ZNF320: variants seen among roughly 807,000 people sequenced by gnomAD.
The protein encoded by ZNF320 is zinc finger protein 320.
In ZNF320, 2 loss-of-function variants were observed where a neutral mutation model predicts 6.8. That is an observed-to-expected ratio of 0.29 (90% CI 0.12 to 0.93). ZNF320 has a LOEUF of 0.93. Ranked by LOEUF, ZNF320 falls within the 40% of genes least tolerant of loss-of-function variation. The pLI is 0.55. For synonymous variants in ZNF320, 208 were observed against 203.2 expected, an observed-to-expected ratio of 1.02 and a Z score of -0.20; for missense variants, 472 against 611.0, an observed-to-expected ratio of 0.77 and a Z score of 2.40.
At chr19:52,899,524 GC>G, upstream of ZNF320, among the ~76,000 whole-genome samples, 1 of 152,088 alleles carries the variant, frequency 6.6e-6, no homozygotes. Context: ...GTGCAGTGGT[GC>G]AGTCTCAGCT....
At chr19:52,868,409 G>T (rs971671396) in intron 5 of ZNF320, among the ~76,000 whole-genome samples, 12 of 151,890 alleles carry the variant, frequency 7.9e-5, no homozygotes, top group African/African-American at 2.9e-4. Context: ...GGGAGCCTCA[G>T]GCAGGAGAAT....
chr19:52,888,905 G>A (rs2064194363), intron 4 of ZNF320, among the ~76,000 whole-genome samples: 1 of 152,162 alleles, frequency 6.6e-6, no homozygotes, highest in Admixed American at 6.6e-5. Flanking sequence ...AGCAAGTTTT[G>A]CAGGGCGCAG....
chr19:52,897,242 G>T (rs1008820052), intron 1 of ZNF320, among the ~76,000 whole-genome samples: 1 of 152,228 alleles, frequency 6.6e-6, no homozygotes, highest in South Asian at 2.1e-4. Flanking sequence ...GCGTCTGCAG[G>T]ATCTTAGGAC....
chr19:52,892,854 T>C (rs914361725), intron 2 of ZNF320, among the ~76,000 whole-genome samples: 13 of 151,790 alleles, frequency 8.6e-5, no homozygotes, highest in African/African-American at 3.2e-4. Flanking sequence ...CTGCTCTGTC[T>C]GCCCTGGCTC....
chr19:52,881,753 G>A lies in ZNF320; in HGVS notation c.373C>T (p.Arg125Ter), dbSNP rs752708180. Residue 125 changes from arginine (R) to a stop codon, truncating the protein, a stop_gained, in exon 6 of 6, where the codon CGA becomes TGA. Transcript: ENST00000682928. LOFTEE classifies it low-confidence loss of function (END_TRUNC). ...TTTCCAGCATGCCTTTGATCATATC[G>A]GTCTGTACTACTAGTCAACTTTTTT... Reference protein sequence around the residue: ...EIKKLTSSTDRYDQRHAGNKP... With the variant: ...EIKKLTSSTD The A allele has an allele frequency of 1.9e-6, 3 of 1,613,894 alleles. No homozygotes were observed. Among genetic ancestry groups the A allele is most frequent in the Admixed American group, 1.7e-5 (1 of 60,002 alleles).
chr19:52,862,305 A>G, exon 6 of ZNF320: 1 of 447,492 alleles, frequency 2.2e-6, no homozygotes, highest in African/African-American at 4.1e-5. Flanking sequence ...ATGTCCTGCA[A>G]GGTGTGAATC....
At chr19:52,866,290 G>T (rs1254691610) in intron 5 of ZNF320, among the ~76,000 whole-genome samples, 1 of 150,422 alleles carries the variant, frequency 6.6e-6, no homozygotes, top group Non-Finnish European at 1.5e-5. Flanking sequence ...GCTGGGTGCA[G>T]TGACTCATGC....
In ZNF320 at chr19:52,881,662, T is replaced by C; in HGVS notation, c.464A>G (p.His155Arg). ...ACATTTGTAAGGTTTCTCTCCAGTA[T>C]GAATTCTCCTATGTCTTCGCAAATG... The part of the protein sequence containing the change: ...HLHLRRHRRI[H>R]TGEKPYKCEE... The change falls in exon 6 of 6, where the codon CAT becomes CGT. Residue 155 changes from histidine (H) to arginine (R), a missense_variant. By Grantham distance (29) the His-to-Arg change is conservative. This residue lies in a region of ZNF320 where 462 missense variants were observed against 559.7 expected (regional missense o/e 0.83). Transcript: ENST00000682928. 1 of 1,614,038 alleles carries C rather than the reference T, an allele frequency of 6.2e-7. No homozygotes were observed. Among genetic ancestry groups the C allele is most frequent in the Non-Finnish European group, 8.5e-7 (1 of 1,179,916 alleles).
At chr19:52,864,079 T>C (rs1490115816) in exon 6 of ZNF320, 5 of 478,050 alleles carry the variant, frequency 1.0e-5, no homozygotes, top group Non-Finnish European at 2.0e-5. Flanking sequence ...CAGCCCTGTA[T>C]AAAGCGTTCT....
intron 5 of ZNF320, among the ~76,000 whole-genome samples, chr19:52,866,490 A>G (rs926358201): frequency 3.3e-5 from 5 of 152,080 alleles, no homozygotes; most frequent in African/African-American, 1.2e-4. Context: ...AAAATGCTCC[A>G]AGGAGGATGA....
At chr19:52,863,911 G>A (rs2063502502) in exon 6 of ZNF320, 1 of 322,728 alleles carries the variant, frequency 3.1e-6, no homozygotes. Flanking sequence ...CACGTGCCTG[G>A]AATCCCAGCT....
intron 5 of ZNF320, among the ~76,000 whole-genome samples, chr19:52,866,319 G>C (rs1053693693): frequency 4.0e-5 from 6 of 151,072 alleles, no homozygotes; most frequent in African/African-American, 4.9e-5. Flanking sequence ...CCAGCAATCT[G>C]GGAGGCCGAG....
chr19:52,895,693 C>G (rs2064449190), intron 1 of ZNF320: 2 of 152,076 alleles, frequency 1.3e-5, no homozygotes, highest in East Asian at 3.9e-4. Flanking sequence ...CGCCTGTAAT[C>G]CCAGCTACTT....
At chr19:52,871,907 C>T (rs531175518), downstream of ZNF320, among the ~76,000 whole-genome samples, 8 of 152,294 alleles carry the variant, frequency 5.3e-5, no homozygotes, top group South Asian at 6.2e-4. Context: ...GGAAGCAACA[C>T]GTCATCACTT....
chr19:52,892,710 TG>T (rs1568729258), intron 2 of ZNF320, among the ~76,000 whole-genome samples: 5 of 148,932 alleles, frequency 3.4e-5, no homozygotes, highest in East Asian at 1.9e-4. Context: ...CCCATCTCTG[TG>T]CATCCTCTGC....
In ZNF320 at chr19:52,880,897, T is replaced by C. The variant is rs758817691; in HGVS notation, c.1229A>G (p.Glu410Gly). The change falls in exon 6 of 6, where the codon GAG (glutamate) becomes GGG (glycine). Residue 410 changes from glutamate to glycine, a missense_variant. This residue lies in a region of ZNF320 where 462 missense variants were observed against 559.7 expected (regional missense o/e 0.83). Transcript: ENST00000682928. Reference protein sequence around the residue: ...LACHQKLHTGEKLYECEECDK... With the variant: ...LACHQKLHTGGKLYECEECDK... ...ACATTCTTCACATTCGTAAAGTTTC[T>C]CTCCAGTATGAAGTTTTTGATGACA... 1 of 1,613,432 alleles carries C rather than the reference T, an allele frequency of 6.2e-7. No homozygotes were observed. The highest frequency in any genetic ancestry group is 8.5e-7 in the Non-Finnish European group (1 of 1,179,446).
chr19:52,900,177 C>A (rs573567428), upstream of ZNF320, among the ~76,000 whole-genome samples: 2 of 152,210 alleles, frequency 1.3e-5, no homozygotes, highest in South Asian at 2.1e-4. Context: ...TGGTGGAATT[C>A]CGGGTGGGCC....
In ZNF320 at chr19:52,891,072, C is replaced by T. The variant is rs144363718; in HGVS notation, c.-74+157G>A. On this transcript the variant is annotated intron_variant, in intron 3 of 5. Coordinates refer to ENST00000682928, the MANE Select transcript of ZNF320 (RefSeq NM_001351774.2). ...GCTGAGGTTGGAGGATCACTTGAAC[C>T]TGGGAAGTGGAGGTTGCAATGGGCC... is the stretch of plus-strand genomic sequence containing the variant. Among the ~76,000 whole-genome samples the T allele has an allele frequency of 7.9e-5, 12 of 152,244 alleles. No individual in the cohort carries two copies. In the East Asian group the frequency reaches 2.3e-3, roughly 29 times the overall value.
chr19:52,873,688 G>T (rs1337727260), downstream of ZNF320, among the ~76,000 whole-genome samples: 1 of 152,110 alleles, frequency 6.6e-6, no homozygotes, highest in Admixed American at 6.6e-5. Flanking sequence ...TCCAGATGTG[G>T]CCCTTGAACA....
Sources: allele counts gnomAD v4.1 joint callset (sites outside exome capture counted in the v4.1 genomes callset), GRCh38; gene constraint gnomAD v4.1.1; regional missense constraint gnomAD v4.1.1; transcripts MANE v1.5; gene names NCBI Gene and HGNC (gene_info 2026-07-23, HGNC 2026-07-21).